NOL10: variants seen among roughly 807,000 people sequenced by gnomAD.
NOL10 encodes H_NH0074G24.1.
A neutral mutation model predicts 103.5 loss-of-function variants in NOL10; 58 were observed. That is an observed-to-expected ratio of 0.56 (90% CI 0.45 to 0.70). The LOEUF (loss-of-function observed/expected upper bound fraction) is 0.70, where lower values mean the gene tolerates loss of function less well. NOL10 is among the 30% of genes least tolerant of loss of function. The pLI is 0.00. For synonymous variants in NOL10, 287 were observed against 282.5 expected (o/e 1.02, Z -0.16); for missense variants, 763 against 807.3 (o/e 0.95, Z 0.67).
chr2:10,576,420 A>G (rs1674452157), intron 20 of NOL10, among the ~76,000 whole-genome samples: 1 of 152,256 alleles, frequency 6.6e-6, no homozygotes, highest in Non-Finnish European at 1.5e-5. Context: ...TCATTTTCAC[A>G]GCCAATTATT....
chr2:10,621,028 A>C (rs1245332334), intron 13 of NOL10, among the ~76,000 whole-genome samples: 2 of 152,134 alleles, frequency 1.3e-5, no homozygotes, highest in Admixed American at 6.5e-5. Context: ...TCCTGAGCTC[A>C]AAAGATCCAC....
chr2:10,605,985 G>T (rs1025042285), intron 14 of NOL10, among the ~76,000 whole-genome samples: 1 of 152,170 alleles, frequency 6.6e-6, no homozygotes, highest in Non-Finnish European at 1.5e-5. Context: ...CAACTAAGTT[G>T]CCTTGCCTTG....
chr2:10,638,262 G>A (rs1164169270), intron 13 of NOL10, among the ~76,000 whole-genome samples: 1 of 151,664 alleles, frequency 6.6e-6, no homozygotes, highest in Non-Finnish European at 1.5e-5. Flanking sequence ...TCCAGACAGG[G>A]TGACAGAGCA....
intron 13 of NOL10, among the ~76,000 whole-genome samples, chr2:10,636,341 C>T (rs1395429929): frequency 7.0e-5 from 10 of 143,724 alleles, no homozygotes; most frequent in Non-Finnish European, 1.2e-4. Context: ...TCTAAGAGGC[C>T]GAGACAGGAA....
intron 20 of NOL10, among the ~76,000 whole-genome samples, chr2:10,572,588 T>A (rs1180915372): frequency 6.6e-6 from 1 of 152,188 alleles, no homozygotes; most frequent in Non-Finnish European, 1.5e-5. Context: ...GTCCACTTCC[T>A]TTTAGAGATC....
At chr2:10,584,950 G>C (rs1157079674) in intron 19 of NOL10, among the ~76,000 whole-genome samples, 1 of 152,158 alleles carries the variant, frequency 6.6e-6, no homozygotes, top group African/African-American at 2.4e-5. Context: ...AAGAATGTTA[G>C]AGAGATTAGT....
intron 13 of NOL10, among the ~76,000 whole-genome samples, chr2:10,641,337 T>G (rs975539786): frequency 1.9e-4 from 27 of 139,366 alleles, no homozygotes; most frequent in Non-Finnish European, 3.1e-5. Flanking sequence ...AAACTCCGTC[T>G]CAAAAAAAAA....
chr2:10,593,331 G>A (rs910925156), intron 17 of NOL10, among the ~76,000 whole-genome samples: 7 of 152,032 alleles, frequency 4.6e-5, no homozygotes, highest in African/African-American at 1.7e-4. Flanking sequence ...GTAGAGACGG[G>A]GTTTCACCAG....
rs771843411 is a variant in NOL10 at position 10,589,769 on chromosome 2, T to A, written c.1423-18A>T. The stretch of plus-strand genomic sequence containing the variant: ...GGAAGACTCTACAAGGAGGAAAAAG[T>A]ACGTAAAAATTTAAGTTAATATCTG... On this transcript the variant is annotated intron_variant, in intron 17 of 20. Transcript: ENST00000381685. 7.0e-7 allele frequency: 1 copy of A among 1,436,146 alleles called. No homozygotes were observed. The highest frequency in any genetic ancestry group is 3.0e-5 in the Admixed American group (1 of 33,374). 89.0% of individuals were successfully genotyped at this position (1,436,146 alleles called of 1,614,324 possible).
chr2:10,667,126 G>T, intron 8 of NOL10, 92 bp downstream of exon 8: 2 of 872,076 alleles, frequency 2.3e-6, no homozygotes, highest in Non-Finnish European at 3.7e-6. Flanking sequence ...TTATCATCCT[G>T]CTCTAAGGAA....
At chr2:10,635,888 T>C (rs1678176223) in intron 13 of NOL10, among the ~76,000 whole-genome samples, 1 of 152,182 alleles carries the variant, frequency 6.6e-6, no homozygotes, top group Admixed American at 6.5e-5. Context: ...TCTAGGAATT[T>C]CATGTATTTC....
chr2:10,607,833 A>G (rs1676340204), intron 13 of NOL10, among the ~76,000 whole-genome samples: 1 of 151,148 alleles, frequency 6.6e-6, no homozygotes, highest in South Asian at 2.1e-4. Flanking sequence ...CCTGAGTTCA[A>G]GCAATCTGCC....
chr2:10,631,805 C>T (rs1677865549), intron 13 of NOL10, among the ~76,000 whole-genome samples: 1 of 151,952 alleles, frequency 6.6e-6, no homozygotes, highest in African/African-American at 2.4e-5. Flanking sequence ...ACCTCTGCCT[C>T]CCAGGTTCAA....
intron 17 of NOL10, among the ~76,000 whole-genome samples, chr2:10,596,108 C>T (rs1008144537): frequency 9.9e-5 from 15 of 151,912 alleles, no homozygotes; most frequent in Non-Finnish European, 2.2e-4. Context: ...AATATAAGTT[C>T]TCAGTGGTAT....
intron 17 of NOL10, among the ~76,000 whole-genome samples, chr2:10,598,520 C>T (rs779495201): frequency 2.0e-5 from 3 of 152,122 alleles, no homozygotes; most frequent in Non-Finnish European, 4.4e-5. Flanking sequence ...GAGGGGACCA[C>T]GTAATGGTGA....
chr2:10,573,063 C>CAAAAA (rs113673930), intron 20 of NOL10, among the ~76,000 whole-genome samples: 1 of 145,650 alleles, frequency 6.9e-6, no homozygotes, highest in Non-Finnish European at 1.5e-5. Flanking sequence ...AGGTAAAGCT[C>CAAAAA]AAAAAAAAAA....
At chr2:10,603,562 C>T (rs568750038) in intron 14 of NOL10, among the ~76,000 whole-genome samples, 2 of 152,256 alleles carry the variant, frequency 1.3e-5, no homozygotes, top group Admixed American at 6.5e-5. Context: ...TTTGCAAAGA[C>T]AAAGGACACT....
chr2:10,614,840 A>G (rs1676752078), intron 13 of NOL10, among the ~76,000 whole-genome samples: 1 of 152,232 alleles, frequency 6.6e-6, no homozygotes, highest in African/African-American at 2.4e-5. Context: ...ATTAATGATA[A>G]TTTTTCTAAT....
At chr2:10,661,467 G>T (rs551694795) in intron 9 of NOL10, among the ~76,000 whole-genome samples, 3 of 151,440 alleles carry the variant, frequency 2.0e-5, no homozygotes, top group African/African-American at 7.3e-5. Flanking sequence ...TGCCTCCCGG[G>T]TTCAGGCGAT....
Sources: allele counts gnomAD v4.1 joint callset (sites outside exome capture counted in the v4.1 genomes callset), GRCh38; gene constraint gnomAD v4.1.1; transcripts MANE v1.5; gene names NCBI Gene and HGNC (gene_info 2026-07-23, HGNC 2026-07-21).